The following NEBL variants were observed in gnomAD, a reference collection of about 807,000 sequenced individuals.
NEBL encodes the protein LIM and SH3 protein 2.
NEBL carries 122 observed loss-of-function variants against 140.2 expected under a neutral mutation model. The observed-to-expected ratio is 0.87, with a 90% CI of 0.75 to 1.01. NEBL has a LOEUF of 1.01. NEBL is among the 50% of genes least tolerant of loss of function. The pLI is 0.00. For missense variants in NEBL, 1,365 were observed against 1,231.3 expected, an observed-to-expected ratio of 1.11 and a Z score of -1.62; for synonymous variants, 436 against 398.9, an observed-to-expected ratio of 1.09 and a Z score of -1.11.
intron 2 of NEBL, among the ~76,000 whole-genome samples, chr10:21,103,235 T>C (rs1379709448): frequency 2.0e-5 from 3 of 149,256 alleles, no homozygotes; most frequent in African/African-American, 7.5e-5. Context: ...TTTTTTGAGA[T>C]GGAGTCTCAC....
intron 3 of NEBL, among the ~76,000 whole-genome samples, chr10:20,980,649 C>A (rs776596382): frequency 6.6e-5 from 10 of 152,104 alleles, no homozygotes; most frequent in Non-Finnish European, 1.2e-4. Context: ...TACCTCAAGA[C>A]CAGTGTGAAG....
intron 4 of NEBL, among the ~76,000 whole-genome samples, chr10:20,958,625 G>T (rs1423138287): frequency 6.6e-6 from 1 of 152,016 alleles, no homozygotes; most frequent in Non-Finnish European, 1.5e-5. Context: ...GGAATTTCAT[G>T]GGGAAAAAAA....
rs367806199 is a variant in NEBL, at chr10:21,266,453, C to T, written n.183-14625G>A. On this transcript the variant is annotated intron_variant and non_coding_transcript_variant, in intron 1 of 8. Coordinates refer to the NEBL transcript ENST00000675702. The stretch of plus-strand genomic sequence containing the variant: ...CACCACTCATACAGCTCATTACTCA[C>T]GGTAGTTAACGTTCTAAAACATTGC... Among the ~76,000 whole-genome samples the T allele has an allele frequency of 3.2e-4, 48 of 152,238 alleles. 1 individual carries two copies. Among genetic ancestry groups the T allele is most frequent in the African/African-American group, 9.9e-4 (41 of 41,552 alleles).
At chr10:21,221,051 AG>A (rs1842059400) in intron 3 of NEBL, among the ~76,000 whole-genome samples, 2 of 152,072 alleles carry the variant, frequency 1.3e-5, no homozygotes, top group African/African-American at 4.8e-5. Context: ...AGTAGTCAGG[AG>A]CTGAGGTGGG....
At chr10:20,931,703 C>T (rs112117075) in intron 4 of NEBL, among the ~76,000 whole-genome samples, 1 of 152,174 alleles carries the variant, frequency 6.6e-6, no homozygotes, top group African/African-American at 2.4e-5. Flanking sequence ...CCTGACATGA[C>T]ATGGACGAGG....
chr10:20,884,293 T>G (rs1033520486), intron 4 of NEBL, among the ~76,000 whole-genome samples: 1 of 152,152 alleles, frequency 6.6e-6, no homozygotes, highest in Non-Finnish European at 1.5e-5. Flanking sequence ...CCCAGGCTGG[T>G]CTTCAACTCC....
chr10:20,994,238 G>A (rs1478168520), intron 3 of NEBL, among the ~76,000 whole-genome samples: 1 of 152,060 alleles, frequency 6.6e-6, no homozygotes, highest in Non-Finnish European at 1.5e-5. Flanking sequence ...ATACTTAATT[G>A]CTCTCTTTAG....
intron 2 of NEBL, among the ~76,000 whole-genome samples, chr10:21,058,489 A>T (rs12263258): frequency 0.22 from 33,310 of 152,120 alleles, 3,781 homozygotes; most frequent in South Asian, 0.31. Context: ...GAAAAAGAAC[A>T]AGTTGAAAAC....
chr10:21,193,590 A>G (rs1346689074), intron 3 of NEBL, among the ~76,000 whole-genome samples: 1 of 152,226 alleles, frequency 6.6e-6, no homozygotes, highest in Non-Finnish European at 1.5e-5. Flanking sequence ...TAGAAATTCT[A>G]GAGCAACCAC....
intron 3 of NEBL, among the ~76,000 whole-genome samples, chr10:21,229,531 G>A (rs1842217552): frequency 6.6e-6 from 1 of 152,232 alleles, no homozygotes; most frequent in Admixed American, 6.5e-5. Flanking sequence ...GTTTTAAGAA[G>A]AGCATGTTAT....
At chr10:21,273,152 G>T (rs1029371398) in intron 1 of NEBL, among the ~76,000 whole-genome samples, 1 of 152,122 alleles carries the variant, frequency 6.6e-6, no homozygotes, top group African/African-American at 2.4e-5. Context: ...CTCGGAGGAG[G>T]TTAATAGAAG....
At chr10:20,994,644 A>T (rs1286583051) in intron 3 of NEBL, among the ~76,000 whole-genome samples, 1 of 152,230 alleles carries the variant, frequency 6.6e-6, no homozygotes, top group Non-Finnish European at 1.5e-5. Context: ...ACTTAACCAC[A>T]TATAGCCTGC....
At chr10:20,801,423 C>T (rs1837108895) in intron 26 of NEBL, among the ~76,000 whole-genome samples, 1 of 151,966 alleles carries the variant, frequency 6.6e-6, no homozygotes, top group South Asian at 2.1e-4. Context: ...TCTCGAACTC[C>T]TGACCTCAAG....
chr10:21,081,297 T>A (rs1836357269), intron 2 of NEBL, among the ~76,000 whole-genome samples: 1 of 152,144 alleles, frequency 6.6e-6, no homozygotes, highest in African/African-American at 2.4e-5. Context: ...TGTGGGGAGC[T>A]CCAGCAGCTG....
At chr10:21,195,183 G>T (rs1273850609) in intron 3 of NEBL, among the ~76,000 whole-genome samples, 1 of 152,058 alleles carries the variant, frequency 6.6e-6, no homozygotes, top group East Asian at 1.9e-4. Flanking sequence ...AATCCAAGCA[G>T]TCACCCTAGA....
intron 3 of NEBL, among the ~76,000 whole-genome samples, chr10:20,888,448 T>G (rs942527377): frequency 6.6e-6 from 1 of 152,264 alleles, no homozygotes; most frequent in Non-Finnish European, 1.5e-5. Flanking sequence ...GGCTTTCTAT[T>G]TAAATGCAAG....
intron 7 of NEBL, among the ~76,000 whole-genome samples, chr10:20,863,816 C>T (rs1384689978): frequency 1.3e-5 from 2 of 151,950 alleles, no homozygotes; most frequent in South Asian, 2.1e-4. Flanking sequence ...TACTACAAAT[C>T]GTATTAAGAA....
At chr10:20,819,047 C>T in intron 20 of NEBL, 7 of 1,032,552 alleles carry the variant, frequency 6.8e-6, no homozygotes, top group Non-Finnish European at 8.2e-6. Context: ...CATATAATTG[C>T]ATGTTGCTCA....
intron 2 of NEBL, among the ~76,000 whole-genome samples, chr10:21,127,309 C>A (rs1345479861): frequency 6.6e-6 from 1 of 151,944 alleles, no homozygotes; most frequent in Non-Finnish European, 1.5e-5. Context: ...CTAAAGAATT[C>A]CAACTACTAA....
Sources: gnomAD v4.1 joint callset for allele counts (sites outside exome capture counted in the v4.1 genomes callset) on GRCh38, gnomAD v4.1.1 for gene constraint, MANE v1.5 for transcripts, NCBI Gene and HGNC (gene_info 2026-07-23, HGNC 2026-07-21) for gene names.